CD101: variants seen among roughly 807,000 people sequenced by gnomAD.
CD101 encodes immunoglobulin superfamily member 2.
In CD101, 76 loss-of-function variants were observed where a neutral mutation model predicts 98.2. The ratio of observed to expected loss-of-function variants is 0.77; its 90% CI spans 0.64 to 0.94. The LOEUF is 0.94. Among genes scored for constraint, CD101 ranks in the 40% least tolerant of loss-of-function variants. The pLI is 0.00. For missense variants in CD101, 1,145 were observed against 1,218.8 expected, an observed-to-expected ratio of 0.94 and a Z score of 0.90; for synonymous variants, 471 against 472.7, an observed-to-expected ratio of 1.00 and a Z score of 0.05.
At chr1:117,034,675 G>A (rs989770942) in intron 9 of CD101, among the ~76,000 whole-genome samples, 4 of 152,220 alleles carry the variant, frequency 2.6e-5, no homozygotes, top group Non-Finnish European at 4.4e-5. Flanking sequence ...AGCAAGTTCT[G>A]TGTAAAGGTG....
In CD101 at chr1:117,021,477, G is replaced by A. The variant is rs1235123525; in HGVS notation, c.2018-96G>A. 1.0e-6 allele frequency: 1 copy of A among 1,000,458 alleles called. No individual in the cohort carries two copies. Among genetic ancestry groups the A allele is most frequent in the African/African-American group, 1.6e-5 (1 of 61,302 alleles). The allele number at this position is 1,000,458 out of a possible 1,614,324, so 62.0% of individuals were successfully genotyped here. On this transcript the variant is annotated intron_variant, in intron 6 of 9. Transcript: ENST00000682167. The surrounding 1 kb of genome is among the most constrained non-coding windows in gnomAD (Gnocchi z 4.7). The stretch of plus-strand genomic sequence containing the variant: ...GTAGAGGGAGTTCACCCATATGATG[G>A]CGGGAGGATGCAGTGTCATACTTGA...
intron 2 of CD101, 26 bp from the exon 3 acceptor site, chr1:117,011,524 C>T (rs772604192): frequency 6.3e-7 from 1 of 1,597,158 alleles, no homozygotes; most frequent in Non-Finnish European, 8.5e-7. Flanking sequence ...GGGCCAGTCA[C>T]ATTATTATCA....
In CD101 at chr1:117,018,350, T is replaced by C; in HGVS notation, c.1807T>C (p.Trp603Arg). The C allele has an allele frequency of 6.2e-7, 1 of 1,614,194 alleles. No individual in the cohort carries two copies. Among genetic ancestry groups the C allele is most frequent in the South Asian group, 1.1e-5 (1 of 91,086 alleles). The part of the protein sequence containing the change: ...IRITHNGTIE[W>R]GNFLSRFQKK... ...AATCACCCACAATGGCACTATTGAA[T>C]GGGGGAATTTCCTATCCCGGTTCCA... The change falls in exon 6 of 10, where the codon TGG becomes CGG. Residue 603 changes from tryptophan to arginine, a missense_variant. Transcript: ENST00000682167. This position sits in a 1 kb window ranked among gnomAD's most constrained non-coding sequence, Gnocchi z 4.3.
intron 6 of CD101, among the ~76,000 whole-genome samples, chr1:117,020,456 A>T (rs1253882497): frequency 2.6e-5 from 4 of 152,216 alleles, no homozygotes; most frequent in Non-Finnish European, 4.4e-5. Context: ...AGGCACAAGG[A>T]TCGCTTGAGC....
In CD101 at chr1:117,025,626, T is replaced by A. The variant is rs776224212; in HGVS notation, c.2546T>A (p.Met849Lys). 8.1e-6 allele frequency: 13 copies of A among 1,614,160 alleles called. 1 individual carries two copies. The Admixed American group carries it at 2.2e-4, about 27-fold the overall frequency. Residue 849 changes from methionine to lysine, a missense_variant, in exon 8 of 10, where the codon ATG (methionine) becomes AAG (lysine). By Grantham distance (95) the Met-to-Lys change is moderately conservative. Coordinates refer to ENST00000682167, the MANE Select transcript of CD101 (RefSeq NM_001256106.3). ...VGSSATLYSV[M>K]WYWNRENSGS... ...AGCTCAGCCACTCTGTACTCTGTGA[T>A]GTGGTACTGGAACAGAGAAAACTCT...
chr1:117,013,607 G>A lies in CD101; in HGVS notation c.1043G>A (p.Gly348Glu), dbSNP rs144225932. 8.4e-5 allele frequency: 136 copies of A among 1,614,162 alleles called. No individual in the cohort carries two copies. The highest frequency in any genetic ancestry group is 1.1e-4 in the Non-Finnish European group (134 of 1,180,028). The change falls in exon 4 of 10, where the codon GGA (glycine) becomes GAA (glutamate). Residue 348 changes from glycine (G) to glutamate (E), a missense_variant. Coordinates refer to ENST00000682167, the MANE Select transcript of CD101 (RefSeq NM_001256106.3). ...GACTACAAAGAGAGAGCAAGTCAAG[G>A]AGAGCTCCAGGTTTCAAAGTTAGGC... is the stretch of plus-strand genomic sequence containing the variant. ...KNDYKERASQGELQVSKLGPK... is the reference protein window; with the variant it reads ...KNDYKERASQEELQVSKLGPK...
At chr1:117,015,574 A>G (rs1338039195) in intron 4 of CD101, among the ~76,000 whole-genome samples, 2 of 152,058 alleles carry the variant, frequency 1.3e-5, no homozygotes, top group South Asian at 4.2e-4. Context: ...CAAAGATTGA[A>G]CTCCTTCCTC....
At chr1:117,029,999 G>C (rs1654345446) in intron 8 of CD101, among the ~76,000 whole-genome samples, 1 of 152,220 alleles carries the variant, frequency 6.6e-6, no homozygotes, top group Admixed American at 6.5e-5. Flanking sequence ...AGAATTGTCT[G>C]TGATTAATTG....
In CD101 at chr1:117,005,327, C is replaced by T. The variant is rs1468636229; in HGVS notation, c.43+3467C>T. ...ATCCTAATCTTCATTTTTCCTTCTC[C>T]ATGAAACTCCTGGAAGTAGGTTCCA... On this transcript the variant is annotated intron_variant, in intron 1 of 9. Transcript: ENST00000682167. This position sits in a 1 kb window ranked among gnomAD's most constrained non-coding sequence, Gnocchi z 4.4. 6.6e-6 allele frequency among the ~76,000 whole-genome samples: 1 copy of T among 152,114 alleles called. No individual in the cohort carries two copies.
intron 1 of CD101, among the ~76,000 whole-genome samples, chr1:117,003,766 C>T (rs1649389824): frequency 6.6e-6 from 1 of 152,170 alleles, no homozygotes; most frequent in African/African-American, 2.4e-5. Flanking sequence ...CTGGGTTATA[C>T]ATTTACTTCT....
intron 1 of CD101, among the ~76,000 whole-genome samples, chr1:117,009,215 A>T (rs1027457786): frequency 1.3e-5 from 2 of 152,238 alleles, no homozygotes; most frequent in Admixed American, 1.3e-4. Flanking sequence ...GCCATCTATT[A>T]GGAGGCTTTT....
At position 117,010,171 on chromosome 1, in the gene CD101, A is replaced by G; in HGVS notation, c.365A>G (p.His122Arg). The change falls in exon 2 of 10, where the codon CAC becomes CGC. Residue 122 changes from histidine (H) to arginine (R), a missense_variant. His to Arg is a conservative substitution (Grantham distance 29). Transcript: ENST00000682167. The surrounding 1 kb of genome is among the most constrained non-coding windows in gnomAD (Gnocchi z 5.2). ...AAGGATGCTGGCGAGTATGAGTGTC[A>G]CACACCAAACACTGATGAGAAATAC... is the stretch of plus-strand genomic sequence containing the variant. ...QMKDAGEYEC[H>R]TPNTDEKYYG... The G allele has an allele frequency of 1.2e-6, 2 of 1,614,182 alleles. No homozygotes were observed. The highest frequency in any genetic ancestry group is 1.3e-5 in the African/African-American group (1 of 75,052).
chr1:117,013,699 G>A lies in CD101; in HGVS notation c.1135G>A (p.Val379Ile). Residue 379 changes from valine (V) to isoleucine (I), a missense_variant, in exon 4 of 10, where the codon GTA becomes ATA. By Grantham distance (29) the Val-to-Ile change is conservative. Transcript: ENST00000682167. ...GGATGAAGGCGCCTACAGATGTGTG[G>A]TAGCAGAGGTCATGAAAACACGCAC... The part of the protein sequence containing the change: ...PEDEGAYRCV[V>I]AEVMKTRTGS... 1 of 1,614,108 alleles carries A rather than the reference G, an allele frequency of 6.2e-7. No individual in the cohort carries two copies. Among genetic ancestry groups the A allele is most frequent in the Non-Finnish European group, 8.5e-7 (1 of 1,180,038 alleles).
chr1:117,018,515 G>T lies in CD101; in HGVS notation c.1972G>T (p.Ala658Ser). The T allele has an allele frequency of 1.9e-6, 3 of 1,611,210 alleles. No homozygotes were observed. Among genetic ancestry groups the T allele is most frequent in the Non-Finnish European group, 2.5e-6 (3 of 1,177,664 alleles). ...NSLYNNRPPR[A>S]SAISHPLRIA... ...CCTATACAACAACCGCCCCCCGAGGGCTTCTGCCATCTCTCACCCACTGAG... is the reference window on the plus strand; with the variant it reads ...CCTATACAACAACCGCCCCCCGAGGTCTTCTGCCATCTCTCACCCACTGAG... The change falls in exon 6 of 10, where the codon GCT becomes TCT. Residue 658 changes from alanine to serine, a missense_variant. Transcript: ENST00000682167. This position sits in a 1 kb window ranked among gnomAD's most constrained non-coding sequence, Gnocchi z 4.3.
rs1350398387 is a variant in CD101 at position 117,019,052 on chromosome 1, C to T, written c.2017+492C>T. On this transcript the variant is annotated intron_variant, in intron 6 of 9. Coordinates refer to ENST00000682167, the MANE Select transcript of CD101 (RefSeq NM_001256106.3). This position sits in a 1 kb window ranked among gnomAD's most constrained non-coding sequence, Gnocchi z 4.3. ...GAGTCAGAGAATTTATTATTACAAT[C>T]AAATATAATCCATCTCATCAACTGA... 1.3e-5 allele frequency among the ~76,000 whole-genome samples: 2 copies of T among 152,160 alleles called. No individual in the cohort carries two copies. The highest frequency in any genetic ancestry group is 1.9e-4 in the East Asian group (1 of 5,206).
At chr1:117,027,227 C>T (rs1402053367) in intron 8 of CD101, among the ~76,000 whole-genome samples, 4 of 152,170 alleles carry the variant, frequency 2.6e-5, no homozygotes, top group Admixed American at 2.6e-4. Flanking sequence ...ACACACATAC[C>T]TACATGTGTA....
chr1:117,035,431 TC>T (rs2101178179), intron 9 of CD101, among the ~76,000 whole-genome samples: 1 of 152,288 alleles, frequency 6.6e-6, no homozygotes, highest in East Asian at 1.9e-4. Flanking sequence ...TAAACTCATG[TC>T]CCTTCATAGC....
At position 117,010,243 on chromosome 1, in the gene CD101, T is replaced by C; in HGVS notation, c.424+13T>C. 2 of 1,594,886 alleles carry C rather than the reference T, an allele frequency of 1.3e-6. No homozygotes were observed. Among genetic ancestry groups the C allele is most frequent in the Non-Finnish European group, 1.7e-6 (2 of 1,167,468 alleles). On this transcript the variant is annotated intron_variant, in intron 2 of 9. Coordinates refer to ENST00000682167, the MANE Select transcript of CD101 (RefSeq NM_001256106.3). This position sits in a 1 kb window ranked among gnomAD's most constrained non-coding sequence, Gnocchi z 5.2. The stretch of plus-strand genomic sequence containing the variant: ...ACTAATCTAATTGGTAAGTTGCTTG[T>C]CCACTTCTGCTAGCCAGCCCCTGAG...
In CD101 at chr1:117,013,797, G is replaced by A. The variant is rs777266369; in HGVS notation, c.1228+5G>A. On this transcript the variant is annotated splice_donor_5th_base_variant and intron_variant, in intron 4 of 9. Transcript: ENST00000682167. ...TGCACCTGAGGAAGCCAGCAGGTAC[G>A]TAAAGTCAAGGCCAGGCATGCATTG... The A allele has an allele frequency of 1.2e-6, 2 of 1,605,142 alleles. No individual in the cohort carries two copies. Among genetic ancestry groups the A allele is most frequent in the South Asian group, 1.1e-5 (1 of 89,994 alleles).
Sources: gnomAD v4.1 joint callset for allele counts (sites outside exome capture counted in the v4.1 genomes callset) on GRCh38, gnomAD v4.1.1 for gene constraint, Gnocchi (gnomAD v3.1) non-coding constraint, MANE v1.5 for transcripts, NCBI Gene and HGNC (gene_info 2026-07-23, HGNC 2026-07-21) for gene names.